The following ZNF106 variants were observed in gnomAD, a reference collection of about 807,000 sequenced individuals.
ZNF106 encodes SH3-domain binding protein 3.
Under a neutral mutation model 195.1 loss-of-function variants are expected in ZNF106, and 67 were observed. That is an observed-to-expected ratio of 0.34 (90% confidence interval 0.28 to 0.42). The LOEUF is 0.42. ZNF106 is among the 10% of genes least tolerant of loss of function. ZNF106 has a pLI of 1.00. For missense variants in ZNF106, 2,118 were observed against 2,304.5 expected, an observed-to-expected ratio of 0.92 and a Z score of 1.66; for synonymous variants, 784 against 818.6, an observed-to-expected ratio of 0.96 and a Z score of 0.72.
At position 42,424,946 on chromosome 15, in the gene ZNF106, C is replaced by T. The variant is rs140044827; in HGVS notation, c.5078G>A (p.Arg1693Gln). 10 of 1,614,074 alleles carry T rather than the reference C, an allele frequency of 6.2e-6. No homozygotes were observed. The highest frequency in any genetic ancestry group is 5.1e-6 in the Non-Finnish European group (6 of 1,180,044). Residue 1693 changes from arginine to glutamine, a missense_variant, in exon 16 of 22, where the codon CGA (arginine) becomes CAA (glutamine). Physicochemically the swap from Arg to Gln is conservative, Grantham distance 43. Coordinates refer to ENST00000564754, the MANE Select transcript of ZNF106 (RefSeq NM_001366845.3). ...ATAAGACCCCACGACCAGCAGTTTT[C>T]GGGCACCTTCCTGAGCTGTAGCAAG... ...SCLATAQEGA[R>Q]KLLVVGSYDC...
intron 2 of ZNF106, among the ~76,000 whole-genome samples, chr15:42,467,720 A>T (rs1034057946): frequency 6.6e-6 from 1 of 152,148 alleles, no homozygotes; most frequent in Non-Finnish European, 1.5e-5. Flanking sequence ...AGGCAGGAGA[A>T]TCGCTTGAAC....
chr15:42,459,199 G>A (rs934767807), intron 3 of ZNF106, among the ~76,000 whole-genome samples: 3 of 152,132 alleles, frequency 2.0e-5, no homozygotes, highest in African/African-American at 7.2e-5. Context: ...TCTTCGGCCA[G>A]GCGTGGTGGC....
Position 42,448,356 on chromosome 15 carries a change from C to G in ZNF106, c.2851G>C (p.Glu951Gln). The change falls in exon 6 of 22, where the codon GAA becomes CAA. Residue 951 changes from glutamate to glutamine, a missense_variant. By Grantham distance (29) the Glu-to-Gln change is conservative. Transcript: ENST00000564754. ...AASLRTGERAENVATQRRHSA... is the reference protein window; with the variant it reads ...AASLRTGERAQNVATQRRHSA... ...TGTCGCCTTTGGGTAGCAACATTTT[C>G]AGCCCTTTCACCTGTTCGGAGGGAG... is the stretch of plus-strand genomic sequence containing the variant. 1 of 1,614,160 alleles carries G rather than the reference C, an allele frequency of 6.2e-7. No homozygotes were observed. Among genetic ancestry groups the G allele is most frequent in the Non-Finnish European group, 8.5e-7 (1 of 1,180,030 alleles).
chr15:42,448,263 C>T lies in ZNF106; in HGVS notation c.2944G>A (p.Glu982Lys). 1 of 1,614,178 alleles carries T rather than the reference C, an allele frequency of 6.2e-7. No individual in the cohort carries two copies. Among genetic ancestry groups the T allele is most frequent in the Non-Finnish European group, 8.5e-7 (1 of 1,180,026 alleles). ...MHLAKDLNSQ[E>K]RSIPPSENQN... Reference sequence around the variant, plus strand: ...TTCTCTGACGGTGGTATAGACCTCTCCTGGCTGTTCAAGTCTTTTGCCAAA... The same window carrying T: ...TTCTCTGACGGTGGTATAGACCTCTTCTGGCTGTTCAAGTCTTTTGCCAAA... Residue 982 changes from glutamate to lysine, a missense_variant, in exon 6 of 22, where the codon GAG becomes AAG. Glu to Lys is a moderately conservative substitution (Grantham distance 56). Transcript: ENST00000564754.
In ZNF106 at chr15:42,439,325, T is replaced by TC. The variant is rs2055408862; in HGVS notation, c.4251dup (p.Lys1418GlufsTer22). 1 of 1,613,908 alleles carries TC rather than the reference T, an allele frequency of 6.2e-7. No individual in the cohort carries two copies. The highest frequency in any genetic ancestry group is 1.3e-5 in the African/African-American group (1 of 74,896). On this transcript the variant is annotated frameshift_variant, in exon 11 of 22. Transcript: ENST00000564754. LOFTEE classifies it high-confidence loss of function. ...TCTTCCCAAGTGGAGGTTGTTACTT[T>TC]CCCCCCTTTAATTAACTTTCCAGCT...
intron 1 of ZNF106, among the ~76,000 whole-genome samples, chr15:42,483,000 G>C (rs2056937441): frequency 6.6e-6 from 1 of 152,180 alleles, no homozygotes; most frequent in African/African-American, 2.4e-5. Flanking sequence ...GTAGTTGCTT[G>C]AGCTTTATCT....
At chr15:42,474,218 C>T (rs924748154) in intron 1 of ZNF106, among the ~76,000 whole-genome samples, 1 of 152,202 alleles carries the variant, frequency 6.6e-6, no homozygotes, top group East Asian at 1.9e-4. Context: ...GAACAAGTGA[C>T]ATCTGGAACA....
At chr15:42,458,773 T>C (rs1028436417) in intron 3 of ZNF106, among the ~76,000 whole-genome samples, 2 of 151,566 alleles carry the variant, frequency 1.3e-5, no homozygotes, top group African/African-American at 4.8e-5. Flanking sequence ...GGTGTGCTGT[T>C]TTTTGGTAAG....
chr15:42,485,971 T>C (rs1465125220), intron 1 of ZNF106, among the ~76,000 whole-genome samples: 1 of 151,266 alleles, frequency 6.6e-6, no homozygotes, highest in Non-Finnish European at 1.5e-5. Context: ...TTTTTTTTTT[T>C]TTTTTGAGAC....
At position 42,424,523 on chromosome 15, in the gene ZNF106, T is replaced by C. The variant is rs188057764; in HGVS notation, c.5190+311A>G. 3.9e-4 allele frequency: 125 copies of C among 317,542 alleles called. 1 individual carries two copies. Among genetic ancestry groups the C allele is most frequent in the African/African-American group, 2.5e-3 (118 of 47,354 alleles). The allele number at this position is 317,542 out of a possible 1,614,324, so 19.7% of individuals were successfully genotyped here. On this transcript the variant is annotated intron_variant, in intron 16 of 21. Coordinates refer to ENST00000564754, the MANE Select transcript of ZNF106 (RefSeq NM_001366845.3). ...TTGCTTGAGTCAAGGTCTCACTCTG[T>C]TGCCCATGCTAGAGTACAGTGGCAC...
Position 42,442,277 on chromosome 15 carries a change from A to T in ZNF106, c.3559T>A (p.Ser1187Thr), listed in dbSNP as rs759814695. Residue 1187 changes from serine (S) to threonine (T), a missense_variant, in exon 10 of 22, where the codon TCT (serine) becomes ACT (threonine). Coordinates refer to ENST00000564754, the MANE Select transcript of ZNF106 (RefSeq NM_001366845.3). ...PFFPLFLEPPSSHVSPSPTGA... is the reference protein window; with the variant it reads ...PFFPLFLEPPTSHVSPSPTGA... The stretch of plus-strand genomic sequence containing the variant: ...GTGGGTGATGGAGACACATGGGAAG[A>T]TGGAGGCTCCAGAAAAAGTGGGAAA... The T allele has an allele frequency of 6.2e-7, 1 of 1,614,166 alleles. No homozygotes were observed. The highest frequency in any genetic ancestry group is 1.7e-5 in the Admixed American group (1 of 60,018).
intron 3 of ZNF106, chr15:42,457,586 A>T: frequency 1.0e-6 from 1 of 993,632 alleles, no homozygotes; most frequent in Middle Eastern, 5.2e-4. Flanking sequence ...GCTTTCTTCC[A>T]GTGAAAGTTA....
intron 13 of ZNF106, among the ~76,000 whole-genome samples, chr15:42,436,043 T>G (rs1002962451): frequency 1.3e-5 from 2 of 151,274 alleles, no homozygotes; most frequent in Non-Finnish European, 2.9e-5. Flanking sequence ...AAGCTCTGCC[T>G]CCTGGGTTCA....
At chr15:42,418,081 G>A in intron 20 of ZNF106, 130 bp from the exon 21 acceptor site, 1 of 1,026,754 alleles carries the variant, frequency 9.7e-7, no homozygotes, top group Non-Finnish European at 1.3e-6. Flanking sequence ...ATTTATTCTT[G>A]GCTAGAAAAG....
chr15:42,433,673 G>A (rs1420906014), intron 14 of ZNF106, among the ~76,000 whole-genome samples: 3 of 151,674 alleles, frequency 2.0e-5, no homozygotes, highest in East Asian at 3.9e-4. Context: ...AGTAGAGACA[G>A]GGTTTCACCA....
intron 20 of ZNF106, 27 bp from the exon 21 acceptor site, chr15:42,417,978 C>T (rs1438669158): frequency 2.9e-5 from 47 of 1,603,464 alleles, no homozygotes; most frequent in Non-Finnish European, 3.7e-5. Flanking sequence ...TGAGGAGACT[C>T]GGTGAAAAAG....
At chr15:42,452,406 C>A (rs1333512369) in intron 4 of ZNF106, among the ~76,000 whole-genome samples, 1 of 151,942 alleles carries the variant, frequency 6.6e-6, no homozygotes, top group South Asian at 2.1e-4. Context: ...GCCTGTAACC[C>A]CAGCTACTCG....
intron 2 of ZNF106, among the ~76,000 whole-genome samples, chr15:42,467,513 C>T (rs547861386): frequency 6.6e-5 from 10 of 152,014 alleles, no homozygotes; most frequent in African/African-American, 1.4e-4. Context: ...CAGTCTTGGC[C>T]GGGCACAGTG....
rs569025536 is a variant in ZNF106 at position 42,417,263 on chromosome 15, T to C, written c.*41A>G. 1.7e-5 allele frequency: 28 copies of C among 1,610,702 alleles called. No homozygotes were observed. In the African/African-American group the frequency reaches 1.9e-4, roughly 11 times the overall value. On this transcript the variant is annotated 3_prime_UTR_variant, in exon 22 of 22. Transcript: ENST00000564754. ...CCTGTGTGGGGGGCCAATGTGAAAA[T>C]AGTTCAACTAATGACTTCCCAACGT...
Sources: gnomAD v4.1 joint callset for allele counts (sites outside exome capture counted in the v4.1 genomes callset) on GRCh38, gnomAD v4.1.1 for gene constraint, MANE v1.5 for transcripts, NCBI Gene and HGNC (gene_info 2026-07-23, HGNC 2026-07-21) for gene names.